ZNF107: variants seen among roughly 807,000 people sequenced by gnomAD.
ZNF107 encodes C2H2 type zinc-finger protein.
A neutral mutation model predicts 12.3 loss-of-function variants in ZNF107; 19 were observed. That is an observed-to-expected ratio of 1.55 (90% CI 1.08 to 2.27). The LOEUF (loss-of-function observed/expected upper bound fraction) is 2.27, where lower values mean the gene tolerates loss of function less well. Among genes scored for constraint, ZNF107 ranks in the 30% most tolerant of loss-of-function variants. The pLI is 0.00. For synonymous variants in ZNF107, 317 were observed against 330.5 expected (o/e 0.96, Z 0.44); for missense variants, 958 against 979.9 (o/e 0.98, Z 0.30).
At position 64,666,152 on chromosome 7, in the gene ZNF107, G is replaced by A; in HGVS notation, c.-131G>A. 1.6e-6 allele frequency: 2 copies of A among 1,285,138 alleles called. No individual in the cohort carries two copies. The highest frequency in any genetic ancestry group is 2.2e-6 in the Non-Finnish European group (2 of 906,096). The allele number at this position is 1,285,138 out of a possible 1,614,324, so 79.6% of individuals were successfully genotyped here. A position where few individuals can be genotyped will look rare whatever the true frequency, so the allele number is the denominator to read the frequency against. On this transcript the variant is annotated 5_prime_UTR_variant, in exon 1 of 4. Coordinates refer to ENST00000620827, the MANE Select transcript of ZNF107 (RefSeq NM_001282359.2). The stretch of plus-strand genomic sequence containing the variant: ...GGCGGGGCCTTTGTCTCTGGCTGCA[G>A]CCGGAGCTCCTGCTCTCCTCCTCAC...
chr7:64,678,573 G>A (rs756599251), intron 1 of ZNF107, among the ~76,000 whole-genome samples: 1 of 152,106 alleles, frequency 6.6e-6, no homozygotes, highest in Non-Finnish European at 1.5e-5. Context: ...AGTCATTTTA[G>A]TATTGTTATT....
At chr7:64,682,277 C>G (rs988451905) in intron 1 of ZNF107, among the ~76,000 whole-genome samples, 1 of 152,196 alleles carries the variant, frequency 6.6e-6, no homozygotes, top group East Asian at 1.9e-4. Context: ...CACCCGCACT[C>G]CCCCCGCTGA....
rs1584475078 is a variant in ZNF107 at position 64,685,340 on chromosome 7, AG to A, written c.4-5906del. ...GCCCCAACTGACTGTATTAACTTCC[AG>A]GTCTCCCAAACAGCTACATTCAAAC... On this transcript the variant is annotated intron_variant, in intron 1 of 3. Transcript: ENST00000620827. Among the ~76,000 whole-genome samples, 4 of 152,248 alleles carry A rather than the reference AG, an allele frequency of 2.6e-5. No homozygotes were observed. In the East Asian group the frequency reaches 7.7e-4, roughly 29 times the overall value.
intron 1 of ZNF107, chr7:64,679,122 A>T (rs1362051549): frequency 1.1e-6 from 1 of 934,196 alleles, no homozygotes; most frequent in Non-Finnish European, 1.3e-6. Context: ...GAGGCTATTT[A>T]TTCACTTGGG....
intron 1 of ZNF107, among the ~76,000 whole-genome samples, chr7:64,666,542 C>T (rs569632898): frequency 6.6e-6 from 1 of 152,320 alleles, no homozygotes; most frequent in East Asian, 1.9e-4. Context: ...AGTGACTGTG[C>T]CCTGGCCTGG....
chr7:64,681,360 G>A (rs1789665411), intron 1 of ZNF107, among the ~76,000 whole-genome samples: 1 of 151,942 alleles, frequency 6.6e-6, no homozygotes, highest in Non-Finnish European at 1.5e-5. Flanking sequence ...GACTCCACTT[G>A]TGTGTCAACT....
chr7:64,680,687 G>A (rs1054311571), intron 1 of ZNF107, among the ~76,000 whole-genome samples: 4 of 152,114 alleles, frequency 2.6e-5, no homozygotes, highest in South Asian at 2.1e-4. Flanking sequence ...CCAGAAGGCC[G>A]ACTCATGCAT....
chr7:64,667,018 C>G (rs773062615), intron 1 of ZNF107, among the ~76,000 whole-genome samples: 2 of 149,520 alleles, frequency 1.3e-5, no homozygotes, highest in Non-Finnish European at 3.0e-5. Context: ...AAAAAAAAAG[C>G]ATTTGAGTTA....
intron 1 of ZNF107, among the ~76,000 whole-genome samples, chr7:64,688,102 A>G (rs1789987343): frequency 1.3e-5 from 2 of 152,142 alleles, no homozygotes; most frequent in Admixed American, 1.3e-4. Context: ...AGATTTCTAC[A>G]TACTTCACAG....
intron 1 of ZNF107, among the ~76,000 whole-genome samples, chr7:64,682,166 C>T (rs1161004884): frequency 3.3e-5 from 5 of 152,042 alleles, no homozygotes; most frequent in South Asian, 2.1e-4. Flanking sequence ...TATCCTCCTA[C>T]TCCTTCAGCA....
Position 64,709,595 on chromosome 7 carries a change from A to G in ZNF107, c.*939A>G, listed in dbSNP as rs1790816905. 9.5e-6 allele frequency: 4 copies of G among 421,844 alleles called. No individual in the cohort carries two copies. Among genetic ancestry groups the G allele is most frequent in the South Asian group, 5.2e-5 (3 of 57,706 alleles). 26.1% of individuals were successfully genotyped at this position (421,844 alleles called of 1,614,324 possible). ...CACACTTGATTGTAGGTAAGAATCC[A>G]TACTGAAGAAAACTCCTGGAAGTGT... On this transcript the variant is annotated 3_prime_UTR_variant, in exon 4 of 4. Coordinates refer to ENST00000620827, the MANE Select transcript of ZNF107 (RefSeq NM_001282359.2).
chr7:64,666,356 G>T, intron 1 of ZNF107, 71 bp downstream of exon 1: 3 of 1,576,054 alleles, frequency 1.9e-6, no homozygotes, highest in Non-Finnish European at 2.6e-6. Context: ...AGTGGCTGTG[G>T]CTGGACTCGG....
At chr7:64,685,463 C>G (rs1789870761) in intron 1 of ZNF107, among the ~76,000 whole-genome samples, 1 of 152,164 alleles carries the variant, frequency 6.6e-6, no homozygotes, top group African/African-American at 2.4e-5. Flanking sequence ...CACTGCATGA[C>G]CATTCACCCC....
intron 1 of ZNF107, chr7:64,679,307 T>C (rs966002188): frequency 1.7e-5 from 17 of 985,056 alleles, no homozygotes; most frequent in Non-Finnish European, 1.9e-5. Context: ...GGACCAGCTC[T>C]GTAAAAGCCC....
intron 1 of ZNF107, chr7:64,679,350 A>G: frequency 1.0e-6 from 1 of 985,122 alleles, no homozygotes; most frequent in Admixed American, 6.2e-5. Context: ...AGAGACCTCC[A>G]TCCTTTCTCA....
At chr7:64,679,227 T>C in intron 1 of ZNF107, 3 of 985,000 alleles carry the variant, frequency 3.0e-6, no homozygotes, top group Non-Finnish European at 3.6e-6. Context: ...GGGGAACTCC[T>C]TTGGGAGTCG....
At chr7:64,690,274 A>C in intron 1 of ZNF107, 2 of 708,756 alleles carry the variant, frequency 2.8e-6, no homozygotes, top group Non-Finnish European at 3.5e-6. Flanking sequence ...AGAAAACCCC[A>C]GGAGATTTGT....
intron 1 of ZNF107, among the ~76,000 whole-genome samples, chr7:64,679,849 T>G (rs1335557748): frequency 6.6e-6 from 1 of 152,168 alleles, no homozygotes; most frequent in Non-Finnish European, 1.5e-5. Flanking sequence ...GGTTTGAGGT[T>G]CCATACATCC....
intron 1 of ZNF107, among the ~76,000 whole-genome samples, chr7:64,673,982 A>G (rs1469536348): frequency 6.6e-6 from 1 of 151,914 alleles, no homozygotes. Flanking sequence ...ATTTTTTACC[A>G]CTACCATGCT....
Sources: gnomAD v4.1 joint callset for allele counts (sites outside exome capture counted in the v4.1 genomes callset) on GRCh38, gnomAD v4.1.1 for gene constraint, MANE v1.5 for transcripts, NCBI Gene and HGNC (gene_info 2026-07-23, HGNC 2026-07-21) for gene names.